The following VWA5B2 variants were observed in gnomAD, a reference collection of about 807,000 sequenced individuals.
VWA5B2 encodes von Willebrand factor A domain containing 5B2.
A neutral mutation model predicts 118.5 loss-of-function variants in VWA5B2; 93 were observed. The ratio of observed to expected loss-of-function variants is 0.79; its 90% CI spans 0.66 to 0.93. The LOEUF is 0.93. Among genes scored for constraint, VWA5B2 ranks in the 40% least tolerant of loss-of-function variants. The pLI is 0.00. For missense variants in VWA5B2, 1,546 were observed against 1,672.8 expected (o/e 0.92, Z 1.32); for synonymous variants, 708 against 716.3 (o/e 0.99, Z 0.19).
In VWA5B2 at chr3:184,236,380, T is replaced by A; in HGVS notation, c.1250T>A (p.Leu417Gln). Residue 417 changes from leucine to glutamine, a missense_variant, in exon 10 of 20, where the codon CTG becomes CAG. This residue lies in a region of VWA5B2 where 775 missense variants were observed against 882.3 expected (regional missense o/e 0.88). Transcript: ENST00000691901. ...VQLICESIET[L>Q]QVPSGPPDVL... ...CTGATCTGCGAGAGCATTGAGACCC[T>A]GCAGGTTCCGAGTGGGCCCCCAGAC... is the stretch of plus-strand genomic sequence containing the variant. 3.9e-6 allele frequency: 6 copies of A among 1,546,778 alleles called. No homozygotes were observed. Among genetic ancestry groups the A allele is most frequent in the Non-Finnish European group, 5.2e-6 (6 of 1,143,940 alleles).
chr3:184,241,013 T>G lies in VWA5B2; in HGVS notation c.2879-11T>G, dbSNP rs559459662. 6 of 1,551,620 alleles carry G rather than the reference T, an allele frequency of 3.9e-6. No homozygotes were observed. The African/African-American group carries it at 8.2e-5, about 21-fold the overall frequency. Reference sequence around the variant, plus strand: ...GGACAAACCTGACTCCTGTCCCATGTGCCCCTGCAGAGCCCGCTGAGCCCC... The same window carrying G: ...GGACAAACCTGACTCCTGTCCCATGGGCCCCTGCAGAGCCCGCTGAGCCCC... On this transcript the variant is annotated splice_polypyrimidine_tract_variant and intron_variant, in intron 17 of 19. Transcript: ENST00000691901. The surrounding 1 kb of genome is among the most constrained non-coding windows in gnomAD (Gnocchi z 5.1).
Position 184,234,636 on chromosome 3 carries a change from C to T in VWA5B2, c.826C>T (p.His276Tyr), listed in dbSNP as rs1468455358. The change falls in exon 7 of 20, where the codon CAT becomes TAT. Residue 276 changes from histidine (H) to tyrosine (Y), a missense_variant. Physicochemically the swap from His to Tyr is moderately conservative, Grantham distance 83. Coordinates refer to ENST00000691901, the MANE Select transcript of VWA5B2 (RefSeq NM_001390846.1). ...ATTGTGTCCTCTCCTCTCAGAGCCC[C>T]ATCAGCCACACCTGATGCTGGAGGG... ...LEILLHPSEP[H>Y]QPHLMLEGGS... The T allele has an allele frequency of 6.4e-7, 1 of 1,551,322 alleles. No individual in the cohort carries two copies. Among genetic ancestry groups the T allele is most frequent in the Admixed American group, 2.0e-5 (1 of 50,986 alleles).
intron 1 of VWA5B2, among the ~76,000 whole-genome samples, 135 bp downstream of exon 1, chr3:184,229,848 C>A (rs1018057226): frequency 6.6e-6 from 1 of 152,114 alleles, no homozygotes; most frequent in Non-Finnish European, 1.5e-5. Context: ...GGTAACCTGG[C>A]GGCTCCCACG....
At position 184,239,380 on chromosome 3, in the gene VWA5B2, T is replaced by C; in HGVS notation, c.2203-14T>C. On this transcript the variant is annotated splice_polypyrimidine_tract_variant and intron_variant, in intron 14 of 19. Coordinates refer to ENST00000691901, the MANE Select transcript of VWA5B2 (RefSeq NM_001390846.1). This position sits in a 1 kb window ranked among gnomAD's most constrained non-coding sequence, Gnocchi z 5.1. ...TGCATTCCTTGACCAGTGGCCCCCA[T>C]ATCTCACATGCAGGTGGGGGCCTTG... 1 of 1,526,036 alleles carries C rather than the reference T, an allele frequency of 6.6e-7. No individual in the cohort carries two copies. 94.5% of individuals were successfully genotyped at this position (1,526,036 alleles called of 1,614,324 possible).
At position 184,233,170 on chromosome 3, in the gene VWA5B2, C is replaced by A; in HGVS notation, c.311-8C>A. On this transcript the variant is annotated splice_region_variant and splice_polypyrimidine_tract_variant and intron_variant, in intron 3 of 19. Transcript: ENST00000691901. The surrounding 1 kb of genome is among the most constrained non-coding windows in gnomAD (Gnocchi z 5.2). ...GCATGCTCTGACCCCATTTCTCACC[C>A]ATCATAGGTCATCTTGTCTTGGATC... 6.5e-7 allele frequency: 1 copy of A among 1,549,040 alleles called. No individual in the cohort carries two copies.
chr3:184,233,797 A>T lies in VWA5B2; in HGVS notation c.688+64A>T. On this transcript the variant is annotated intron_variant, in intron 5 of 19. Transcript: ENST00000691901. This position sits in a 1 kb window ranked among gnomAD's most constrained non-coding sequence, Gnocchi z 5.2. Reference sequence around the variant, plus strand: ...CCACTCCACCCAGTGTAGTGACTGGAAGGGAAATAAGGCTCAGGGATAGGA... The same window carrying T: ...CCACTCCACCCAGTGTAGTGACTGGTAGGGAAATAAGGCTCAGGGATAGGA... 6.6e-7 allele frequency: 1 copy of T among 1,526,228 alleles called. No homozygotes were observed. The highest frequency in any genetic ancestry group is 1.4e-5 in the African/African-American group (1 of 72,758). 94.5% of individuals were successfully genotyped at this position (1,526,228 alleles called of 1,614,324 possible).
chr3:184,239,452 G>A lies in VWA5B2; in HGVS notation c.2261G>A (p.Arg754Gln), dbSNP rs924770798. 21 of 1,549,778 alleles carry A rather than the reference G, an allele frequency of 1.4e-5. No individual in the cohort carries two copies. The highest frequency in any genetic ancestry group is 4.8e-5 in the South Asian group (4 of 83,962). The part of the protein sequence containing the change: ...GRQHRAALAG[R>Q]SLSSPPGRAN... ...CAGCACAGAGCGGCTCTGGCTGGCC[G>A]AAGCCTCTCATCCCCTCCAGGCCGG... Residue 754 changes from arginine (R) to glutamine (Q), a missense_variant, in exon 15 of 20, where the codon CGA becomes CAA. Physicochemically the swap from Arg to Gln is conservative, Grantham distance 43. Coordinates refer to ENST00000691901, the MANE Select transcript of VWA5B2 (RefSeq NM_001390846.1). This position sits in a 1 kb window ranked among gnomAD's most constrained non-coding sequence, Gnocchi z 5.1.
rs1476324016 is a variant in VWA5B2 at position 184,239,850 on chromosome 3, A to G, written c.2554A>G (p.Met852Val). The G allele has an allele frequency of 6.4e-7, 1 of 1,551,552 alleles. No homozygotes were observed. The highest frequency in any genetic ancestry group is 2.4e-5 in the East Asian group (1 of 40,910). Residue 852 changes from methionine to valine, a missense_variant, in exon 16 of 20, where the codon ATG (methionine) becomes GTG (valine). Around this residue, in one of 3 missense-constraint regions of VWA5B2, gnomAD observed 763 missense variants for 766.6 expected, o/e 1.00. Coordinates refer to ENST00000691901, the MANE Select transcript of VWA5B2 (RefSeq NM_001390846.1). This position sits in a 1 kb window ranked among gnomAD's most constrained non-coding sequence, Gnocchi z 5.1. ...VIRGLCGEQP[M>V]CWEVGVGLET... ...CCGGGGCCTGTGTGGGGAGCAGCCC[A>G]TGTGCTGGGAGGTGGGTGTTGGGCT... is the stretch of plus-strand genomic sequence containing the variant.
Position 184,236,440 on chromosome 3 carries a change from C to T in VWA5B2, c.1310C>T (p.Pro437Leu), listed in dbSNP as rs1384675757. 1.3e-6 allele frequency: 2 copies of T among 1,546,962 alleles called. No homozygotes were observed. Among genetic ancestry groups the T allele is most frequent in the South Asian group, 1.2e-5 (1 of 84,056 alleles). ...GCTCTGGACTGGGCCGTGGGGCAGC[C>T]CCAGCACAGGGCCTACCCTCGGCAG... ...LAALDWAVGQ[P>L]QHRAYPRQLF... is the part of the protein sequence containing the mutation. Residue 437 changes from proline (P) to leucine (L), a missense_variant, in exon 10 of 20, where the codon CCC becomes CTC. Physicochemically the swap from Pro to Leu is moderately conservative, Grantham distance 98. Coordinates refer to ENST00000691901, the MANE Select transcript of VWA5B2 (RefSeq NM_001390846.1).
Position 184,240,796 on chromosome 3 carries a change from G to T in VWA5B2, c.2746G>T (p.Ala916Ser). ...ACTGCTCCTTGGTTCCACAGGCCAT[G>T]CCCGGAGGTGCTGGCTTCGAGCCCT... is the stretch of plus-strand genomic sequence containing the variant. ...GAETTADRGHARRCWLRALQT... is the reference protein window; with the variant it reads ...GAETTADRGHSRRCWLRALQT... The change falls in exon 17 of 20, where the codon GCC becomes TCC. Residue 916 changes from alanine (A) to serine (S), a missense_variant. By Grantham distance (99) the Ala-to-Ser change is moderately conservative. Coordinates refer to ENST00000691901, the MANE Select transcript of VWA5B2 (RefSeq NM_001390846.1). The T allele has an allele frequency of 1.3e-6, 2 of 1,550,812 alleles. No individual in the cohort carries two copies. The highest frequency in any genetic ancestry group is 8.7e-7 in the Non-Finnish European group (1 of 1,146,960).
At position 184,238,890 on chromosome 3, in the gene VWA5B2, A is replaced by G; in HGVS notation, c.2202+17A>G. The G allele has an allele frequency of 1.4e-6, 2 of 1,471,674 alleles. No homozygotes were observed. The highest frequency in any genetic ancestry group is 1.8e-6 in the Non-Finnish European group (2 of 1,104,774). 91.2% of individuals were successfully genotyped at this position (1,471,674 alleles called of 1,614,324 possible). ...CCATTCAAGGTGAGATCCAACCCAC[A>G]TTCATTCGCCTTGTATCCAGCAAAT... On this transcript the variant is annotated intron_variant, in intron 14 of 19. Coordinates refer to ENST00000691901, the MANE Select transcript of VWA5B2 (RefSeq NM_001390846.1). This position sits in a 1 kb window ranked among gnomAD's most constrained non-coding sequence, Gnocchi z 5.0.
Position 184,233,242 on chromosome 3 carries a change from C to G in VWA5B2, c.375C>G (p.Ala125=). The change falls in exon 4 of 20, where the codon GCC becomes GCG. Residue 125 remains alanine (A), a synonymous_variant. Coordinates refer to ENST00000691901, the MANE Select transcript of VWA5B2 (RefSeq NM_001390846.1). The surrounding 1 kb of genome is among the most constrained non-coding windows in gnomAD (Gnocchi z 5.2). The part of the protein sequence containing the change: ...STLVLPTGII[A]AAGTMTVTLH... ...TGGTGCTGCCCACAGGCATTATCGCCGCGGCTGGCACCATGACGGTGACCC... is the reference window on the plus strand; with the variant it reads ...TGGTGCTGCCCACAGGCATTATCGCGGCGGCTGGCACCATGACGGTGACCC... The G allele has an allele frequency of 6.4e-7, 1 of 1,550,466 alleles. No individual in the cohort carries two copies. Among genetic ancestry groups the G allele is most frequent in the African/African-American group, 1.4e-5 (1 of 73,180 alleles).
In VWA5B2 at chr3:184,241,101, T is replaced by G; in HGVS notation, c.2956T>G (p.Ser986Ala). 6.4e-7 allele frequency: 1 copy of G among 1,551,654 alleles called. No individual in the cohort carries two copies. Among genetic ancestry groups the G allele is most frequent in the Non-Finnish European group, 8.7e-7 (1 of 1,146,976 alleles). Residue 986 changes from serine to alanine, a missense_variant, in exon 18 of 20, where the codon TCT becomes GCT. By Grantham distance (99) the Ser-to-Ala change is moderately conservative (BLOSUM62 1). Around this residue, in one of 3 missense-constraint regions of VWA5B2, gnomAD observed 763 missense variants for 766.6 expected, o/e 1.00. Transcript: ENST00000691901. This position sits in a 1 kb window ranked among gnomAD's most constrained non-coding sequence, Gnocchi z 5.1. ...AGCTCCTCTGCCCACTGTTGTCTAC[T>G]CTAAAGGTAACACCCAAAGGTAGGG... ...DAAPLPTVVY[S>A]KGLQRGSPAG...
At position 184,236,497 on chromosome 3, in the gene VWA5B2, C is replaced by T. The variant is rs1718014435; in HGVS notation, c.1367C>T (p.Ala456Val). ...CTGCTCACTGCTGCCTCACCCATGG[C>T]CGCCACTACCCACCGAACCCTGGAG... ...LFLLTAASPM[A>V]ATTHRTLELM... Residue 456 changes from alanine (A) to valine (V), a missense_variant, in exon 10 of 20, where the codon GCC becomes GTC. Around this residue, in one of 3 missense-constraint regions of VWA5B2, gnomAD observed 775 missense variants for 882.3 expected, o/e 0.88. Coordinates refer to ENST00000691901, the MANE Select transcript of VWA5B2 (RefSeq NM_001390846.1). 1 of 1,547,896 alleles carries T rather than the reference C, an allele frequency of 6.5e-7. No homozygotes were observed.
chr3:184,234,244 T>A, intron 5 of VWA5B2, 22 bp from the exon 6 acceptor site: 1 of 1,550,512 alleles, frequency 6.4e-7, no homozygotes, highest in South Asian at 1.2e-5. Flanking sequence ...ACATCTCCCC[T>A]TCCTGCCTCT....
At position 184,236,545 on chromosome 3, in the gene VWA5B2, C is replaced by G. The variant is rs1266321168; in HGVS notation, c.1415C>G (p.Thr472Arg). Residue 472 changes from threonine (T) to arginine (R), a missense_variant, in exon 10 of 20, where the codon ACA becomes AGA. Physicochemically the swap from Thr to Arg is moderately conservative, Grantham distance 71. This residue lies in a region of VWA5B2 where 775 missense variants were observed against 882.3 expected (regional missense o/e 0.88). Transcript: ENST00000691901. ...GAGCTCATGAGGTGGCACAGGGGGACAGCCAGGTATGGGATGGGCAGAACC... is the reference window on the plus strand; with the variant it reads ...GAGCTCATGAGGTGGCACAGGGGGAGAGCCAGGTATGGGATGGGCAGAACC... Reference protein sequence around the residue: ...TLELMRWHRGTARCFSFGLGP... With the variant: ...TLELMRWHRGRARCFSFGLGP... The G allele has an allele frequency of 6.4e-7, 1 of 1,550,772 alleles. No homozygotes were observed. Among genetic ancestry groups the G allele is most frequent in the African/African-American group, 1.4e-5 (1 of 73,182 alleles).
Position 184,239,807 on chromosome 3 carries a change from A to G in VWA5B2, c.2511A>G (p.Pro837=), listed in dbSNP as rs1718376826. The change falls in exon 16 of 20, where the codon CCA becomes CCG. Residue 837 remains proline (P), a synonymous_variant. Coordinates refer to ENST00000691901, the MANE Select transcript of VWA5B2 (RefSeq NM_001390846.1). The surrounding 1 kb of genome is among the most constrained non-coding windows in gnomAD (Gnocchi z 5.1). ...LAPPAVPPQA[P]RCHVVIRGLC... ...CTCCAGCAGTGCCTCCCCAGGCTCC[A>G]CGCTGCCATGTGGTGATCCGGGGCC... 1 of 1,548,374 alleles carries G rather than the reference A, an allele frequency of 6.5e-7. No individual in the cohort carries two copies. The highest frequency in any genetic ancestry group is 8.7e-7 in the Non-Finnish European group (1 of 1,144,614).
In VWA5B2 at chr3:184,236,764, G is replaced by A. The variant is rs1217033746; in HGVS notation, c.1533+15G>A. On this transcript the variant is annotated intron_variant, in intron 11 of 19. Transcript: ENST00000691901. ...TGCAGCCCATGGTGAGCTTGAGCCT[G>A]GGCCCTGTTCCCTACACCTGGAAGT... 1.3e-6 allele frequency: 2 copies of A among 1,502,984 alleles called. No individual in the cohort carries two copies. The highest frequency in any genetic ancestry group is 2.3e-5 in the Admixed American group (1 of 42,776). 93.1% of individuals were successfully genotyped at this position (1,502,984 alleles called of 1,614,324 possible). A position where few individuals can be genotyped will look rare whatever the true frequency, so the allele number is the denominator to read the frequency against.
intron 7 of VWA5B2, 164 bp downstream of exon 7, chr3:184,234,919 A>C: frequency 2.5e-6 from 3 of 1,206,314 alleles, no homozygotes; most frequent in South Asian, 1.6e-5. Context: ...GAGTATTGTC[A>C]TTGGAGGGCC....
Sources: gnomAD v4.1 joint callset for allele counts (sites outside exome capture counted in the v4.1 genomes callset) on GRCh38, gnomAD v4.1.1 for gene constraint, gnomAD v4.1.1 regional missense constraint, Gnocchi (gnomAD v3.1) non-coding constraint, MANE v1.5 for transcripts, NCBI Gene and HGNC (gene_info 2026-07-23, HGNC 2026-07-21) for gene names.